The following C19orf18 variants were observed in gnomAD, a reference collection of about 807,000 sequenced individuals.
C19orf18 encodes uncharacterized protein C19orf18.
In C19orf18, 21 loss-of-function variants were observed where a neutral mutation model predicts 23.3. The ratio of observed to expected loss-of-function variants is 0.90; its 90% confidence interval spans 0.64 to 1.30. The LOEUF is 1.30. Among genes scored for constraint, C19orf18 ranks in the 50% most tolerant of loss-of-function variants. The pLI is 0.00. For missense variants in C19orf18, 249 were observed against 259.6 expected, an observed-to-expected ratio of 0.96 and a Z score of 0.28; for synonymous variants, 96 against 95.2, an observed-to-expected ratio of 1.01 and a Z score of -0.05.
intron 3 of C19orf18, among the ~76,000 whole-genome samples, chr19:57,967,184 G>C (rs2072914773): frequency 6.6e-6 from 1 of 152,120 alleles, no homozygotes; most frequent in African/African-American, 2.4e-5. Flanking sequence ...CTGTGTGGTG[G>C]GGACACAACT....
intron 3 of C19orf18, among the ~76,000 whole-genome samples, chr19:57,967,687 G>C (rs561334772): frequency 6.6e-6 from 1 of 151,886 alleles, no homozygotes; most frequent in African/African-American, 2.4e-5. Flanking sequence ...GGGAGTGGGA[G>C]GTTGTAGGGA....
intron 4 of C19orf18, among the ~76,000 whole-genome samples, chr19:57,963,723 T>C (rs962144999): frequency 2.6e-5 from 4 of 151,740 alleles, no homozygotes; most frequent in Admixed American, 6.6e-5. Context: ...CCGTCTCTAA[T>C]AAAAATACAA....
At chr19:57,965,857 C>T (rs1249931633) in intron 4 of C19orf18, among the ~76,000 whole-genome samples, 1 of 152,094 alleles carries the variant, frequency 6.6e-6, no homozygotes, top group Non-Finnish European at 1.5e-5. Flanking sequence ...TCATGACTCC[C>T]AGTAAGAAAT....
chr19:57,961,272 A>C, intron 5 of C19orf18, 119 bp downstream of exon 5: 3 of 1,099,970 alleles, frequency 2.7e-6, no homozygotes, highest in Non-Finnish European at 3.8e-6. Context: ...GGAAGAAAGA[A>C]AGAAAGGAAA....
chr19:57,968,276 A>C (rs2072921781), intron 3 of C19orf18, among the ~76,000 whole-genome samples: 1 of 152,156 alleles, frequency 6.6e-6, no homozygotes, highest in Non-Finnish European at 1.5e-5. Flanking sequence ...AAAGGCCCCA[A>C]CTCCTAATAT....
chr19:57,964,882 T>G (rs964307122), intron 4 of C19orf18, among the ~76,000 whole-genome samples: 7 of 152,150 alleles, frequency 4.6e-5, no homozygotes, highest in African/African-American at 1.7e-4. Flanking sequence ...GTTGGTTTGG[T>G]CAGAACCGCA....
At chr19:57,968,581 G>C (rs2072923472) in intron 3 of C19orf18, among the ~76,000 whole-genome samples, 1 of 152,046 alleles carries the variant, frequency 6.6e-6, no homozygotes, top group Non-Finnish European at 1.5e-5. Flanking sequence ...GAGCAAGGCT[G>C]GGGTAGAATA....
chr19:57,958,736 G>A lies in C19orf18; in HGVS notation c.533-19C>T, dbSNP rs1296407914. 7 of 1,367,396 alleles carry A rather than the reference G, an allele frequency of 5.1e-6. No individual in the cohort carries two copies. Among genetic ancestry groups the A allele is most frequent in the Non-Finnish European group, 7.1e-6 (7 of 983,854 alleles). 84.7% of individuals were successfully genotyped at this position (1,367,396 alleles called of 1,614,324 possible). ...ATAATAACTAAAATGTAGAAATGAT[G>A]TTATTGAGATAGTAATAAGTGAGGA... On this transcript the variant is annotated intron_variant, in intron 5 of 5. Transcript: ENST00000314391.
chr19:57,966,600 C>T lies in C19orf18; in HGVS notation c.301G>A (p.Val101Ile), dbSNP rs772326799. Residue 101 changes from valine (V) to isoleucine (I), a missense_variant, in exon 4 of 6, where the codon GTA (valine) becomes ATA (isoleucine). Physicochemically the swap from Val to Ile is conservative, Grantham distance 29. Transcript: ENST00000314391. Reference protein sequence around the residue: ...IIRHRPALVKVILISSVAFSI... With the variant: ...IIRHRPALVKIILISSVAFSI... ...AAGGCTACGCTCGAAATTAAAATTA[C>T]TTTAACAAGAGCAGGTCTATGCCGA... 4 of 1,613,196 alleles carry T rather than the reference C, an allele frequency of 2.5e-6. No homozygotes were observed. Among genetic ancestry groups the T allele is most frequent in the Admixed American group, 3.3e-5 (2 of 59,980 alleles).
rs960409203 is a variant in C19orf18, at chr19:57,974,516, G to C, written c.-84C>G. On this transcript the variant is annotated 5_prime_UTR_variant, in exon 1 of 6. Transcript: ENST00000314391. ...CAGCATCTGTCCTCTATTTATCTGA[G>C]GAATCAAGAAGTTCTACTCCCTTCA... 6.5e-7 allele frequency: 1 copy of C among 1,541,130 alleles called. No homozygotes were observed. The highest frequency in any genetic ancestry group is 8.8e-7 in the Non-Finnish European group (1 of 1,133,586).
chr19:57,961,410 C>T lies in C19orf18; in HGVS notation c.513G>A (p.Leu171=), dbSNP rs1056211777. The stretch of plus-strand genomic sequence containing the variant: ...CACTACCTGAGTGGATGAACTTTTC[C>T]AGCTCATTTTCGTTCTCTGGAAGTA... ...THLLPENENE[L]EKFIHSVIIS... is the part of the protein sequence containing the mutation. Residue 171 remains leucine, a synonymous_variant, in exon 5 of 6, where the codon CTG becomes CTA. Transcript: ENST00000314391. 3 of 1,613,304 alleles carry T rather than the reference C, an allele frequency of 1.9e-6. No individual in the cohort carries two copies. Among genetic ancestry groups the T allele is most frequent in the Non-Finnish European group, 2.5e-6 (3 of 1,179,802 alleles).
intron 4 of C19orf18, 140 bp from the exon 5 acceptor site, chr19:57,961,691 G>C: frequency 1.1e-6 from 1 of 893,458 alleles, no homozygotes; most frequent in Non-Finnish European, 1.7e-6. Flanking sequence ...GACTAATCAT[G>C]GTCAGCTCTC....
At chr19:57,964,556 A>G (rs908859661) in intron 4 of C19orf18, among the ~76,000 whole-genome samples, 7 of 152,232 alleles carry the variant, frequency 4.6e-5, no homozygotes, top group African/African-American at 1.7e-4. Flanking sequence ...TGTTGGGATC[A>G]CAAGTGTGAG....
chr19:57,961,748 G>A (rs546687919), intron 4 of C19orf18, among the ~76,000 whole-genome samples, 197 bp from the exon 5 acceptor site: 2 of 152,216 alleles, frequency 1.3e-5, no homozygotes, highest in South Asian at 2.1e-4. Flanking sequence ...GAGTAACTCC[G>A]ATCATCCCAA....
chr19:57,958,865 G>A (rs1235051580), intron 5 of C19orf18, 148 bp from the exon 6 acceptor site: 2 of 514,546 alleles, frequency 3.9e-6, no homozygotes, highest in South Asian at 3.0e-5. Flanking sequence ...TGTCTGACAA[G>A]GATGGTGAAA....
At chr19:57,966,102 C>T (rs1392552450) in intron 4 of C19orf18, among the ~76,000 whole-genome samples, 4 of 151,776 alleles carry the variant, frequency 2.6e-5, no homozygotes, top group South Asian at 2.1e-4. Flanking sequence ...CTCAGCCTCC[C>T]GAGGAGCCGG....
At position 57,961,539 on chromosome 19, in the gene C19orf18, C is replaced by G; in HGVS notation, c.384G>C (p.Gln128His). The G allele has an allele frequency of 6.2e-7, 1 of 1,611,914 alleles. No homozygotes were observed. The highest frequency in any genetic ancestry group is 8.5e-7 in the Non-Finnish European group (1 of 1,179,470). Reference protein sequence around the residue: ...AISYMIYRLAQAEERQQLESL... With the variant: ...AISYMIYRLAHAEERQQLESL... ...ACTCGAGCTGTTGTCTTTCCTCAGCCTGTGCCAGTCGACTGGAGAATGATA... is the reference window on the plus strand; with the variant it reads ...ACTCGAGCTGTTGTCTTTCCTCAGCGTGTGCCAGTCGACTGGAGAATGATA... Residue 128 changes from glutamine to histidine, a missense_variant, in exon 5 of 6, where the codon CAG becomes CAC. Physicochemically the swap from Gln to His is conservative, Grantham distance 24 (BLOSUM62 0). Coordinates refer to ENST00000314391, the MANE Select transcript of C19orf18 (RefSeq NM_152474.5).
In C19orf18 at chr19:57,974,090, A is replaced by T; in HGVS notation, c.226+9T>A. 1.2e-6 allele frequency: 2 copies of T among 1,610,918 alleles called. No individual in the cohort carries two copies. The highest frequency in any genetic ancestry group is 2.2e-5 in the South Asian group (2 of 91,022). On this transcript the variant is annotated intron_variant, in intron 2 of 5. Transcript: ENST00000314391. ...CTCACTCCACTGAATGAGGAATTCA[A>T]TGACTCACCCGTGGATCTCGAGGCA... is the stretch of plus-strand genomic sequence containing the variant.
chr19:57,974,015 G>A (rs2072965404), intron 2 of C19orf18, 84 bp downstream of exon 2: 20 of 1,324,118 alleles, frequency 1.5e-5, no homozygotes, highest in Non-Finnish European at 2.0e-5. Flanking sequence ...CTACCAGCAA[G>A]CACACAGTAC....
Sources: gnomAD v4.1 joint callset for allele counts (sites outside exome capture counted in the v4.1 genomes callset) on GRCh38, gnomAD v4.1.1 for gene constraint, MANE v1.5 for transcripts, NCBI Gene and HGNC (gene_info 2026-07-23, HGNC 2026-07-21) for gene names.